Variants in CCSER1 observed in about 807,000 individuals in gnomAD.
CCSER1 encodes serine-rich coiled-coil domain-containing protein 1.
A neutral mutation model predicts 82.0 loss-of-function variants in CCSER1; 41 were observed. That is an observed-to-expected ratio of 0.50 (90% CI 0.39 to 0.65). The LOEUF is 0.65. CCSER1 is among the 30% of genes least tolerant of loss of function. CCSER1 has a pLI of 0.00. For missense variants in CCSER1, 1,119 were observed against 1,064.2 expected (o/e 1.05, Z -0.72); for synonymous variants, 414 against 383.9 (o/e 1.08, Z -0.92).
At chr4:91,561,480 G>A (rs1042219200) in intron 10 of CCSER1, among the ~76,000 whole-genome samples, 1 of 151,434 alleles carries the variant, frequency 6.6e-6, no homozygotes, top group Non-Finnish European at 1.5e-5. Flanking sequence ...ACTAGTCAGT[G>A]AGATTATCCC....
chr4:90,646,767 C>A (rs544962057), intron 6 of CCSER1, among the ~76,000 whole-genome samples: 25 of 152,224 alleles, frequency 1.6e-4, no homozygotes, highest in African/African-American at 6.0e-4. Flanking sequence ...CTTTTAATGA[C>A]CCACCCTTTC....
At chr4:91,555,084 T>G (rs1459168593) in intron 10 of CCSER1, among the ~76,000 whole-genome samples, 3 of 151,256 alleles carry the variant, frequency 2.0e-5, no homozygotes, top group African/African-American at 7.3e-5. Flanking sequence ...CTAAAATTGC[T>G]AAAAGAAAAT....
intron 10 of CCSER1, among the ~76,000 whole-genome samples, chr4:91,160,292 T>A (rs1159674923): frequency 6.6e-6 from 1 of 152,218 alleles, no homozygotes; most frequent in Non-Finnish European, 1.5e-5. Context: ...ATCCAGTCTG[T>A]AATTGATGGA....
At chr4:91,412,872 A>G (rs1753139986) in intron 10 of CCSER1, among the ~76,000 whole-genome samples, 1 of 152,144 alleles carries the variant, frequency 6.6e-6, no homozygotes, top group Non-Finnish European at 1.5e-5. Context: ...GCTAACCCTA[A>G]AGAAGGGGGG....
chr4:90,371,819 G>T (rs546624014), intron 3 of CCSER1, among the ~76,000 whole-genome samples: 7 of 152,266 alleles, frequency 4.6e-5, no homozygotes, highest in Admixed American at 3.9e-4. Flanking sequence ...GGGAAAAACT[G>T]TCCTTAGGAG....
intron 6 of CCSER1, among the ~76,000 whole-genome samples, chr4:90,641,570 TC>T (rs1726525865): frequency 6.6e-6 from 1 of 152,136 alleles, no homozygotes. Context: ...GCAACATTAC[TC>T]CCCACAACCC....
chr4:91,157,247 C>G (rs746462294), intron 10 of CCSER1, among the ~76,000 whole-genome samples: 1 of 151,812 alleles, frequency 6.6e-6, no homozygotes, highest in Admixed American at 6.6e-5. Context: ...GACTTATTTA[C>G]CAGAACTTAA....
At chr4:90,312,134 A>G (rs1404135748) in intron 2 of CCSER1, among the ~76,000 whole-genome samples, 1 of 152,232 alleles carries the variant, frequency 6.6e-6, no homozygotes, top group Non-Finnish European at 1.5e-5. Flanking sequence ...AATAAGTCAT[A>G]CAGATATTTG....
chr4:91,301,523 T>C (rs1209709751), intron 10 of CCSER1, among the ~76,000 whole-genome samples: 1 of 148,568 alleles, frequency 6.7e-6, no homozygotes, highest in Admixed American at 6.8e-5. Flanking sequence ...TCTCTGTCTA[T>C]GTATATATAA....
At chr4:90,789,007 T>TAC (rs57954085) in intron 7 of CCSER1, among the ~76,000 whole-genome samples, 8,795 of 149,454 alleles carry the variant, frequency 0.059, 341 homozygotes, top group Admixed American at 0.11. Context: ...ATCTAACACA[T>TAC]ACACACACAC....
intron 9 of CCSER1, among the ~76,000 whole-genome samples, chr4:91,053,175 T>G (rs993354709): frequency 1.3e-5 from 2 of 152,198 alleles, no homozygotes; most frequent in African/African-American, 4.8e-5. Flanking sequence ...TTTTTCCTAA[T>G]TGTAAATTTC....
At chr4:91,529,815 A>C (rs1018933066) in intron 10 of CCSER1, among the ~76,000 whole-genome samples, 1 of 152,236 alleles carries the variant, frequency 6.6e-6, no homozygotes, top group African/African-American at 2.4e-5. Context: ...CATCTCTGAA[A>C]AATGTTCTGA....
At chr4:90,881,737 A>T (rs1050417990) in intron 8 of CCSER1, among the ~76,000 whole-genome samples, 1 of 152,154 alleles carries the variant, frequency 6.6e-6, no homozygotes, top group Non-Finnish European at 1.5e-5. Context: ...GTGAGCCAAG[A>T]TCATATTACT....
chr4:91,154,670 TC>T (rs990415026), intron 10 of CCSER1, among the ~76,000 whole-genome samples: 11 of 152,078 alleles, frequency 7.2e-5, no homozygotes, highest in Admixed American at 7.2e-4. Context: ...GGAACCTTTT[TC>T]CCAGACATTC....
intron 10 of CCSER1, among the ~76,000 whole-genome samples, chr4:91,414,396 A>G (rs1014617332): frequency 4.6e-5 from 7 of 152,234 alleles, no homozygotes; most frequent in Admixed American, 2.6e-4. Context: ...TGTAAACCCA[A>G]TGGTGACTGT....
At chr4:91,092,835 G>A (rs1302641486) in intron 10 of CCSER1, among the ~76,000 whole-genome samples, 1 of 152,126 alleles carries the variant, frequency 6.6e-6, no homozygotes, top group Non-Finnish European at 1.5e-5. Flanking sequence ...GTAAGGAGTA[G>A]ATGCTGCTTT....
chr4:91,172,882 A>G (rs1732911522), intron 10 of CCSER1, among the ~76,000 whole-genome samples: 1 of 152,226 alleles, frequency 6.6e-6, no homozygotes, highest in East Asian at 1.9e-4. Flanking sequence ...AACATATTAA[A>G]CATACTGATA....
chr4:90,857,751 A>T (rs1023604705), intron 8 of CCSER1, among the ~76,000 whole-genome samples: 3 of 152,066 alleles, frequency 2.0e-5, no homozygotes, highest in Non-Finnish European at 2.9e-5. Context: ...GAAATGGGGA[A>T]ATGTAGGTCA....
rs146535014 is a variant in CCSER1 at position 91,537,725 on chromosome 4, A to G, written c.2218-60847A>G. The stretch of plus-strand genomic sequence containing the variant: ...GATAACTTTTTCTAAATAATGACTT[A>G]AAAAAATGAATCATAAAGCTTTACA... On this transcript the variant is annotated intron_variant, in intron 10 of 10. Coordinates refer to ENST00000509176, the MANE Select transcript of CCSER1 (RefSeq NM_001145065.2). Among the ~76,000 whole-genome samples the G allele has an allele frequency of 4.3e-3, 660 of 152,082 alleles. 5 individuals are homozygous for G. The highest frequency in any genetic ancestry group is 0.015 in the African/African-American group (609 of 41,548).
Sources: allele counts gnomAD v4.1 joint callset (sites outside exome capture counted in the v4.1 genomes callset), GRCh38; gene constraint gnomAD v4.1.1; transcripts MANE v1.5; gene names NCBI Gene and HGNC (gene_info 2026-07-23, HGNC 2026-07-21).